Variants in AGBL1 observed in about 807,000 individuals in gnomAD.
AGBL1 encodes AGBL carboxypeptidase 1.
AGBL1 carries 130 observed loss-of-function variants against 118.9 expected under a neutral mutation model. The ratio of observed to expected loss-of-function variants is 1.09; its 90% CI spans 0.95 to 1.26. The LOEUF (loss-of-function observed/expected upper bound fraction) is 1.26. Ranked by LOEUF, AGBL1 falls within the 50% of genes most tolerant of loss-of-function variation. The pLI, the probability that AGBL1 is intolerant of heterozygous loss-of-function variation, is 0.00. For missense variants in AGBL1, 1,584 were observed against 1,298.1 expected, an observed-to-expected ratio of 1.22 and a Z score of -3.38; for synonymous variants, 555 against 478.9, an observed-to-expected ratio of 1.16 and a Z score of -2.08.
At chr15:86,725,614 A>G (rs971458395) in intron 22 of AGBL1, among the ~76,000 whole-genome samples, 2 of 152,136 alleles carry the variant, frequency 1.3e-5, no homozygotes, top group Non-Finnish European at 2.9e-5. Context: ...GTGTGTGGCA[A>G]TTTTTCCCAT....
intron 3 of AGBL1, among the ~76,000 whole-genome samples, chr15:86,147,927 A>ATATTTGCTGTTCTGCAG (rs1320339046): frequency 6.6e-6 from 1 of 152,212 alleles, no homozygotes; most frequent in East Asian, 1.9e-4. Context: ...TCAGGCAGCA[A>ATATTTGCTGTTCTGCAG]TATTTGCTGT....
At chr15:86,283,191 G>A (rs987967492) in intron 16 of AGBL1, among the ~76,000 whole-genome samples, 12 of 152,092 alleles carry the variant, frequency 7.9e-5, no homozygotes, top group African/African-American at 1.4e-4. Flanking sequence ...AGCAATAATC[G>A]TTACAGTATT....
rs544896013 is a variant in AGBL1 at position 86,588,960 on chromosome 15, C to A, written c.2994+34423C>A. On this transcript the variant is annotated intron_variant, in intron 21 of 22. Transcript: ENST00000614907. ...GATCTAAAGAATATTAAACATTTCC[C>A]GTTCATGTATCTTTCACAATTTTTA... Among the ~76,000 whole-genome samples the A allele has an allele frequency of 1.1e-4, 16 of 152,080 alleles. 1 individual carries two copies. The highest frequency in any genetic ancestry group is 1.0e-3 in the Admixed American group (16 of 15,260).
intron 5 of AGBL1, among the ~76,000 whole-genome samples, chr15:86,194,333 C>A (rs1445482338): frequency 6.6e-6 from 1 of 152,236 alleles, no homozygotes; most frequent in Non-Finnish European, 1.5e-5. Flanking sequence ...TATGCTTAAG[C>A]ATTTGCAAAG....
At chr15:86,889,680 G>C (rs2080023289) in intron 22 of AGBL1, among the ~76,000 whole-genome samples, 1 of 152,072 alleles carries the variant, frequency 6.6e-6, no homozygotes, top group African/African-American at 2.4e-5. Flanking sequence ...GTTTGCTGAG[G>C]ATAACGACTT....
At chr15:86,158,389 C>T (rs2077221328) in intron 4 of AGBL1, among the ~76,000 whole-genome samples, 1 of 152,172 alleles carries the variant, frequency 6.6e-6, no homozygotes, top group African/African-American at 2.4e-5. Context: ...AAGCACAAGG[C>T]ATTCATAGGT....
chr15:86,102,205 T>G (rs1048979291), intron 1 of AGBL1, among the ~76,000 whole-genome samples: 4 of 152,080 alleles, frequency 2.6e-5, no homozygotes, highest in Non-Finnish European at 5.9e-5. Flanking sequence ...CATGCCCAGC[T>G]TATTTTTGCA....
At chr15:86,377,319 G>A (rs775412176) in intron 17 of AGBL1, among the ~76,000 whole-genome samples, 2 of 152,208 alleles carry the variant, frequency 1.3e-5, no homozygotes, top group East Asian at 3.8e-4. Context: ...TCTCAGTCTT[G>A]TTGAGGTGAG....
chr15:86,736,791 C>T lies in AGBL1; in HGVS notation c.3158+62355C>T, dbSNP rs72763993. Among the ~76,000 whole-genome samples, 597 of 152,276 alleles carry T rather than the reference C, an allele frequency of 3.9e-3. 2 individuals carry two copies. Among genetic ancestry groups the T allele is most frequent in the Non-Finnish European group, 6.4e-3 (438 of 68,010 alleles). On this transcript the variant is annotated intron_variant, in intron 22 of 22. Transcript: ENST00000614907. ...GCGACATTAATACCTGGCTTTTAGA[C>T]ATGCTTATGAGGGTACCCTTTGAAC...
At chr15:86,716,799 G>T (rs993600391) in intron 22 of AGBL1, among the ~76,000 whole-genome samples, 1 of 152,176 alleles carries the variant, frequency 6.6e-6, no homozygotes, top group African/African-American at 2.4e-5. Flanking sequence ...TTAAATAAAG[G>T]ACCTCATAGG....
intron 22 of AGBL1, among the ~76,000 whole-genome samples, chr15:86,880,803 G>A (rs1265786961): frequency 6.6e-6 from 1 of 152,138 alleles, no homozygotes; most frequent in African/African-American, 2.4e-5. Flanking sequence ...GTGTGTGTGT[G>A]TATAGGGACA....
At chr15:86,301,915 C>T (rs1444084621) in intron 17 of AGBL1, among the ~76,000 whole-genome samples, 1 of 152,134 alleles carries the variant, frequency 6.6e-6, no homozygotes, top group South Asian at 2.1e-4. Context: ...ATTCTCATGA[C>T]TCTTTCTTGA....
chr15:86,355,397 G>A (rs192017488), intron 17 of AGBL1, among the ~76,000 whole-genome samples: 8 of 152,258 alleles, frequency 5.3e-5, no homozygotes, highest in African/African-American at 1.7e-4. Context: ...CACCACCAAG[G>A]ATTGGTCTGG....
chr15:86,787,129 T>C (rs1215137970), intron 22 of AGBL1, among the ~76,000 whole-genome samples: 1 of 152,160 alleles, frequency 6.6e-6, no homozygotes, highest in Non-Finnish European at 1.5e-5. Flanking sequence ...AATGAATTTG[T>C]ATATATTTAA....
At chr15:86,178,085 G>T (rs2141778943) in intron 5 of AGBL1, among the ~76,000 whole-genome samples, 1 of 152,306 alleles carries the variant, frequency 6.6e-6, no homozygotes, top group Middle Eastern at 3.4e-3. Context: ...AGGCCAAGGT[G>T]GGCAGATCAC....
At position 86,110,086 on chromosome 15, in the gene AGBL1, A is replaced by G. The variant is rs117427073; in HGVS notation, c.51+30063A>G. ...ACACATGACTGGGACCCCGTCAGGT[A>G]TTGAAAGAATCCCATGCAAGTGAGG... On this transcript the variant is annotated intron_variant, in intron 1 of 22. Transcript: ENST00000614907. Among the ~76,000 whole-genome samples, 5 of 152,346 alleles carry G rather than the reference A, an allele frequency of 3.3e-5. No homozygotes were observed. The East Asian group carries it at 9.6e-4, about 29-fold the overall frequency.
At chr15:86,513,917 AT>A (rs1454026020) in intron 18 of AGBL1, among the ~76,000 whole-genome samples, 1 of 151,816 alleles carries the variant, frequency 6.6e-6, no homozygotes, top group Non-Finnish European at 1.5e-5. Context: ...ATACTTCCTT[AT>A]TTTTTGGCAC....
intron 22 of AGBL1, among the ~76,000 whole-genome samples, chr15:86,773,847 A>G (rs537991568): frequency 1.3e-4 from 20 of 152,084 alleles, no homozygotes; most frequent in African/African-American, 4.6e-4. Flanking sequence ...TCTTATCTCC[A>G]TGGGGTTTCA....
intron 18 of AGBL1, among the ~76,000 whole-genome samples, chr15:86,501,938 G>A (rs2082921449): frequency 6.6e-6 from 1 of 151,338 alleles, no homozygotes; most frequent in Admixed American, 6.6e-5. Flanking sequence ...TCATTTCCAT[G>A]TGAATTTTAA....
Sources: gnomAD v4.1 joint callset for allele counts (sites outside exome capture counted in the v4.1 genomes callset) on GRCh38, gnomAD v4.1.1 for gene constraint, MANE v1.5 for transcripts, NCBI Gene and HGNC (gene_info 2026-07-23, HGNC 2026-07-21) for gene names.